GLIS2: variants seen among roughly 807,000 people sequenced by gnomAD.
The protein encoded by GLIS2 is GLIS family zinc finger 2.
A neutral mutation model predicts 35.6 loss-of-function variants in GLIS2; 14 were observed. The ratio of observed to expected loss-of-function variants is 0.39; its 90% CI spans 0.26 to 0.61. GLIS2 has a LOEUF of 0.61. GLIS2 is among the 20% of genes least tolerant of loss of function. GLIS2 has a pLI of 0.48. For synonymous variants in GLIS2, 368 were observed against 325.1 expected (o/e 1.13, Z -1.42); for missense variants, 675 against 713.4 (o/e 0.95, Z 0.61).
At chr16:4,324,170 C>T (rs1422634107) in intron 1 of GLIS2, among the ~76,000 whole-genome samples, 1 of 152,186 alleles carries the variant, frequency 6.6e-6, no homozygotes, top group Non-Finnish European at 1.5e-5. Flanking sequence ...GGGGTGCTGG[C>T]TGAGTGCCCC....
intron 1 of GLIS2, among the ~76,000 whole-genome samples, 133 bp downstream of exon 1, chr16:4,316,387 A>G (rs1279111946): frequency 7.2e-6 from 1 of 138,414 alleles, no homozygotes; most frequent in African/African-American, 2.7e-5. Context: ...GGCCATTGTG[A>G]GCCCTCGCCG....
In GLIS2 at chr16:4,323,528, G is replaced by A. The variant is rs1348387269; in HGVS notation, c.-67+7274G>A. On this transcript the variant is annotated intron_variant, in intron 1 of 6. Coordinates refer to ENST00000433375, the MANE Select transcript of GLIS2 (RefSeq NM_032575.3). ...GATGGGGAGGCCTCTGTGCCAGGCC[G>A]GCCCTGCAGCTGGACTGCCATGGCC... is the stretch of plus-strand genomic sequence containing the variant. Among the ~76,000 whole-genome samples, 4 of 152,338 alleles carry A rather than the reference G, an allele frequency of 2.6e-5. No homozygotes were observed. In the South Asian group the frequency reaches 6.2e-4, roughly 24 times the overall value.
rs1292482061 is a variant in GLIS2 at position 4,316,153 on chromosome 16, C to T, written c.-168C>T. 1.4e-5 allele frequency among the ~76,000 whole-genome samples: 2 copies of T among 145,222 alleles called. No individual in the cohort carries two copies. The highest frequency in any genetic ancestry group is 3.1e-5 in the Non-Finnish European group (2 of 65,412). ...GGAGCCCGCGCCCCGTGAGGCCTCG[C>T]GCCCCGGCCCCCGCCCGTCCCGGCC... On this transcript the variant is annotated 5_prime_UTR_variant, in exon 1 of 7. Coordinates refer to ENST00000433375, the MANE Select transcript of GLIS2 (RefSeq NM_032575.3).
At position 4,335,084 on chromosome 16, in the gene GLIS2, C is replaced by G. The variant is rs1374312427; in HGVS notation, c.547C>G (p.Gln183Glu). 1 of 1,613,388 alleles carries G rather than the reference C, an allele frequency of 6.2e-7. No individual in the cohort carries two copies. Among genetic ancestry groups the G allele is most frequent in the Non-Finnish European group, 8.5e-7 (1 of 1,180,048 alleles). The part of the protein sequence containing the change: ...AKCNQLFELL[Q>E]DLVDHVNDYH... Reference sequence around the variant, plus strand: ...GTGTAACCAGCTCTTTGAGCTCCTGCAAGACCTGGTGGACCATGTCAACGA... The same window carrying G: ...GTGTAACCAGCTCTTTGAGCTCCTGGAAGACCTGGTGGACCATGTCAACGA... The change falls in exon 5 of 7, where the codon CAA becomes GAA. Residue 183 changes from glutamine (Q) to glutamate (E), a missense_variant. By Grantham distance (29) the Gln-to-Glu change is conservative. Around this residue, in one of 3 missense-constraint regions of GLIS2, gnomAD observed 225 missense variants for 238.7 expected, o/e 0.94. Transcript: ENST00000433375. This position sits in a 1 kb window ranked among gnomAD's most constrained non-coding sequence, Gnocchi z 4.6.
At chr16:4,328,368 A>C (rs1340386464) in intron 1 of GLIS2, 1 of 152,382 alleles carries the variant, frequency 6.6e-6, no homozygotes, top group Non-Finnish European at 1.5e-5. Context: ...CCGGGAACAA[A>C]AGCACAGAGC....
intron 1 of GLIS2, among the ~76,000 whole-genome samples, chr16:4,322,687 T>C (rs1194806332): frequency 6.7e-6 from 1 of 149,336 alleles, no homozygotes; most frequent in Non-Finnish European, 1.5e-5. Context: ...CGGTTCGATC[T>C]AGCAGGGCCT....
intron 1 of GLIS2, among the ~76,000 whole-genome samples, chr16:4,317,360 C>T (rs2053325131): frequency 6.6e-6 from 1 of 152,154 alleles, no homozygotes; most frequent in Non-Finnish European, 1.5e-5. Flanking sequence ...GAGGCTGGCA[C>T]CCTGGGTAGT....
chr16:4,325,116 G>C (rs2053416880), intron 1 of GLIS2, among the ~76,000 whole-genome samples: 1 of 152,176 alleles, frequency 6.6e-6, no homozygotes, highest in South Asian at 2.1e-4. Context: ...AAGCCTCCTG[G>C]TGGGCCCCCC....
intron 1 of GLIS2, among the ~76,000 whole-genome samples, chr16:4,323,593 G>A (rs1260440383): frequency 6.6e-6 from 1 of 152,184 alleles, no homozygotes; most frequent in Non-Finnish European, 1.5e-5. Context: ...GGCTCCCGGA[G>A]CCCGGTGTCA....
At chr16:4,336,636 C>A (rs1199309733) in intron 6 of GLIS2, 89 bp from the exon 7 acceptor site, 2 of 1,330,140 alleles carry the variant, frequency 1.5e-6, no homozygotes, top group Non-Finnish European at 2.1e-6. Context: ...CCAGGGAGTG[C>A]TTGGCCCGGG....
chr16:4,334,038 G>T (rs1267594863), intron 3 of GLIS2, among the ~76,000 whole-genome samples: 1 of 152,166 alleles, frequency 6.6e-6, no homozygotes, highest in Non-Finnish European at 1.5e-5. Flanking sequence ...CGCCTCCCGG[G>T]TTCAAGCGAT....
At chr16:4,316,338 G>T (rs1268362894) in intron 1 of GLIS2, among the ~76,000 whole-genome samples, 84 bp downstream of exon 1, 3 of 141,238 alleles carry the variant, frequency 2.1e-5, no homozygotes, top group African/African-American at 7.8e-5. Context: ...GGGGCTGCGG[G>T]GCCCGAGGGT....
chr16:4,317,141 A>G (rs915267191), intron 1 of GLIS2, among the ~76,000 whole-genome samples: 1 of 152,134 alleles, frequency 6.6e-6, no homozygotes, highest in Admixed American at 6.5e-5. Flanking sequence ...CCGGGAAGCA[A>G]TGGTTTCAAG....
chr16:4,315,332 C>T (rs962042348), upstream of GLIS2: 1 of 152,180 alleles, frequency 6.6e-6, no homozygotes, highest in African/African-American at 2.4e-5. Context: ...GGATCCGGGA[C>T]CTCTGCCCGC....
intron 1 of GLIS2, among the ~76,000 whole-genome samples, chr16:4,318,731 C>T (rs572019526): frequency 4.6e-5 from 7 of 152,358 alleles, no homozygotes; most frequent in East Asian, 1.9e-4. Flanking sequence ...TGGCCCCGGG[C>T]GGTGGGAGTG....
In GLIS2 at chr16:4,332,043, C is replaced by G. The variant is rs985357093; in HGVS notation, c.-66-172C>G. 2.0e-5 allele frequency among the ~76,000 whole-genome samples: 3 copies of G among 152,188 alleles called. No homozygotes were observed. The highest frequency in any genetic ancestry group is 7.2e-5 in the African/African-American group (3 of 41,440). ...AGCAGATGCGGAATCTCTGAGGAGG[C>G]TGTTGGCTCTCCCCCCATGATAGCT... is the stretch of plus-strand genomic sequence containing the variant. On this transcript the variant is annotated intron_variant, in intron 1 of 6. Coordinates refer to ENST00000433375, the MANE Select transcript of GLIS2 (RefSeq NM_032575.3). The surrounding 1 kb of genome is among the most constrained non-coding windows in gnomAD (Gnocchi z 5.4).
chr16:4,318,495 C>T (rs988514657), intron 1 of GLIS2, among the ~76,000 whole-genome samples: 3 of 152,248 alleles, frequency 2.0e-5, no homozygotes, highest in Non-Finnish European at 4.4e-5. Context: ...ACCGCGTCCC[C>T]CCAAAGCTTT....
Position 4,334,943 on chromosome 16 carries a change from C to T in GLIS2, c.488C>T (p.Pro163Leu). 5 of 1,613,212 alleles carry T rather than the reference C, an allele frequency of 3.1e-6. No homozygotes were observed. The highest frequency in any genetic ancestry group is 1.3e-5 in the African/African-American group (1 of 75,042). Residue 163 changes from proline to leucine, a missense_variant, in exon 4 of 7, where the codon CCC becomes CTC. This residue lies in a region of GLIS2 where 225 missense variants were observed against 238.7 expected (regional missense o/e 0.94). Transcript: ENST00000433375. The part of the protein sequence containing the change: ...PKDKCLSPDL[P>L]LPKQLVCRWA... ...GACAAGTGCCTCTCGCCAGACCTGCCCCTGCCCAAGCAGCTGGTGTGTCGC... is the reference window on the plus strand; with the variant it reads ...GACAAGTGCCTCTCGCCAGACCTGCTCCTGCCCAAGCAGCTGGTGTGTCGC...
chr16:4,319,864 C>T (rs893160665), intron 1 of GLIS2, among the ~76,000 whole-genome samples: 2 of 152,122 alleles, frequency 1.3e-5, no homozygotes, highest in South Asian at 2.1e-4. Flanking sequence ...CGGGTACTCG[C>T]CTTCCACTCC....
Sources: gnomAD v4.1 joint callset for allele counts (sites outside exome capture counted in the v4.1 genomes callset) on GRCh38, gnomAD v4.1.1 for gene constraint, gnomAD v4.1.1 regional missense constraint, Gnocchi (gnomAD v3.1) non-coding constraint, MANE v1.5 for transcripts, NCBI Gene and HGNC (gene_info 2026-07-23, HGNC 2026-07-21) for gene names.